The following DISC1 variants were observed in gnomAD, a reference collection of about 807,000 sequenced individuals.
DISC1 encodes DISC1 scaffold protein.
In DISC1, 57 loss-of-function variants were observed where a neutral mutation model predicts 84.5. The ratio of observed to expected loss-of-function variants is 0.67; its 90% CI spans 0.55 to 0.84. The LOEUF is 0.84. Ranked by LOEUF, DISC1 falls within the 40% of genes least tolerant of loss-of-function variation. The pLI is 0.00. For missense variants in DISC1, 1,000 were observed against 1,057.8 expected, an observed-to-expected ratio of 0.95 and a Z score of 0.76; for synonymous variants, 411 against 415.2, an observed-to-expected ratio of 0.99 and a Z score of 0.12.
intron 10 of DISC1, among the ~76,000 whole-genome samples, chr1:231,988,241 G>A (rs552800294): frequency 7.9e-5 from 12 of 152,250 alleles, no homozygotes; most frequent in South Asian, 2.1e-4. Context: ...ACTGCAGACC[G>A]ACAACATTGA....
intron 10 of DISC1, among the ~76,000 whole-genome samples, chr1:232,007,608 TTTGATTTTAC>T (rs1667620075): frequency 6.6e-6 from 1 of 152,206 alleles, no homozygotes; most frequent in Non-Finnish European, 1.5e-5. Flanking sequence ...CTAACTTGCT[TTTGATTTTAC>T]AGGCTCCTAG....
intron 1 of DISC1, among the ~76,000 whole-genome samples, chr1:231,662,712 G>T (rs891905540): frequency 1.3e-5 from 2 of 152,216 alleles, no homozygotes; most frequent in Admixed American, 1.3e-4. Flanking sequence ...GTATGCCTAA[G>T]TTAAGTTGGT....
intron 9 of DISC1, among the ~76,000 whole-genome samples, chr1:231,936,565 A>G (rs2090993152): frequency 1.3e-5 from 2 of 152,192 alleles, no homozygotes; most frequent in South Asian, 4.1e-4. Flanking sequence ...GCATAATTAA[A>G]CTAGTACAGA....
At chr1:231,913,602 G>A (rs903437997) in intron 9 of DISC1, among the ~76,000 whole-genome samples, 8 of 152,230 alleles carry the variant, frequency 5.3e-5, no homozygotes, top group Non-Finnish European at 1.2e-4. Flanking sequence ...CTTTACAAGT[G>A]TCTTGGGGAC....
intron 9 of DISC1, among the ~76,000 whole-genome samples, chr1:231,914,308 C>T (rs1460282044): frequency 6.6e-6 from 1 of 152,188 alleles, no homozygotes; most frequent in African/African-American, 2.4e-5. Context: ...TGTTGTGTCC[C>T]CTGGAAACCC....
intron 3 of DISC1, among the ~76,000 whole-genome samples, chr1:231,712,811 C>T (rs1411872171): frequency 2.0e-5 from 3 of 152,162 alleles, no homozygotes; most frequent in Non-Finnish European, 4.4e-5. Context: ...AGTGAGCTAA[C>T]AAACTGCAAA....
intron 3 of DISC1, among the ~76,000 whole-genome samples, chr1:231,719,793 A>G (rs1014439912): frequency 2.6e-5 from 4 of 152,162 alleles, no homozygotes; most frequent in African/African-American, 9.7e-5. Flanking sequence ...ACCTTAGCGC[A>G]CCTAATTTGA....
At chr1:231,948,605 T>TAA (rs34622279) in intron 9 of DISC1, among the ~76,000 whole-genome samples, 2 of 147,922 alleles carry the variant, frequency 1.4e-5, no homozygotes, top group African/African-American at 5.0e-5. Flanking sequence ...AAAGTATAAT[T>TAA]AAAAAAAAAA....
chr1:231,893,132 C>T (rs1444235091), intron 9 of DISC1, among the ~76,000 whole-genome samples: 1 of 152,046 alleles, frequency 6.6e-6, no homozygotes, highest in East Asian at 1.9e-4. Flanking sequence ...CACTGCACTC[C>T]TGCCTGGGTG....
intron 9 of DISC1, among the ~76,000 whole-genome samples, chr1:231,854,277 A>G (rs1254958064): frequency 6.6e-6 from 1 of 152,156 alleles, no homozygotes; most frequent in Non-Finnish European, 1.5e-5. Flanking sequence ...ATGAAATCCT[A>G]TTCTAGTCAT....
intron 9 of DISC1, among the ~76,000 whole-genome samples, chr1:231,847,363 C>G (rs1183005163): frequency 6.6e-6 from 1 of 152,110 alleles, no homozygotes; most frequent in East Asian, 1.9e-4. Flanking sequence ...TTCTGAAGTA[C>G]CAGGGATTAG....
chr1:231,778,181 A>AGAG (rs1298639719), intron 6 of DISC1, among the ~76,000 whole-genome samples: 1 of 152,214 alleles, frequency 6.6e-6, no homozygotes, highest in East Asian at 1.9e-4. Flanking sequence ...CCAAACAGGC[A>AGAG]ACTGTCTCAA....
intron 1 of DISC1, among the ~76,000 whole-genome samples, chr1:231,640,737 T>G (rs1329966708): frequency 6.6e-6 from 1 of 152,054 alleles, no homozygotes; most frequent in Admixed American, 6.5e-5. Flanking sequence ...GATCTCCCTA[T>G]GTTACCCGGG....
At chr1:231,886,766 C>CCTTCCTTTCTTT (rs1322835316) in intron 9 of DISC1, among the ~76,000 whole-genome samples, 44 of 84,426 alleles carry the variant, frequency 5.2e-4, no homozygotes, top group East Asian at 1.8e-3. Context: ...TTCCTTCCTT[C>CCTTCCTTTCTTT]CTTTCTTTCT....
intron 1 of DISC1, among the ~76,000 whole-genome samples, chr1:231,654,758 C>T (rs1450881307): frequency 6.6e-6 from 1 of 152,070 alleles, no homozygotes; most frequent in Non-Finnish European, 1.5e-5. Flanking sequence ...GTTTTCTTCC[C>T]TTAAGTTTTT....
chr1:231,817,221 A>G (rs992121343), intron 8 of DISC1, among the ~76,000 whole-genome samples: 22 of 152,126 alleles, frequency 1.4e-4, no homozygotes, highest in African/African-American at 4.8e-4. Context: ...AGTAGCTGGG[A>G]TTACAGGTGC....
chr1:231,634,783 T>G (rs1180369960), intron 1 of DISC1, among the ~76,000 whole-genome samples: 1 of 152,150 alleles, frequency 6.6e-6, no homozygotes, highest in Non-Finnish European at 1.5e-5. Context: ...TGGTGGTGCA[T>G]GCCTATAGTC....
At chr1:231,838,735 A>G (rs1376510997) in intron 9 of DISC1, among the ~76,000 whole-genome samples, 1 of 152,096 alleles carries the variant, frequency 6.6e-6, no homozygotes, top group Admixed American at 6.5e-5. Context: ...TTGCTTCTAC[A>G]TTTTTGCTCG....
intron 4 of DISC1, among the ~76,000 whole-genome samples, chr1:231,756,516 CGAGAGAGAGAGAGAGAGA>C (rs60818301): frequency 0.17 from 22,455 of 133,524 alleles, 2,162 homozygotes; most frequent in Non-Finnish European, 0.23. Flanking sequence ...ATGTGAATAT[CGAGAGAGAGAGAGAGAGA>C]GAGAGAGAGA....
Sources: gnomAD v4.1 joint callset for allele counts (sites outside exome capture counted in the v4.1 genomes callset) on GRCh38, gnomAD v4.1.1 for gene constraint, MANE v1.5 for transcripts, NCBI Gene and HGNC (gene_info 2026-07-23, HGNC 2026-07-21) for gene names.